Variants in PRRC2A observed in about 807,000 individuals in gnomAD.
PRRC2A encodes proline rich coiled-coil 2A, also known as protein PRRC2A.
A neutral mutation model predicts 224.6 loss-of-function variants in PRRC2A; 59 were observed. That is an observed-to-expected ratio of 0.26 (90% confidence interval 0.21 to 0.33). PRRC2A has a LOEUF of 0.33. PRRC2A is among the 10% of genes least tolerant of loss of function. The pLI is 1.00. For missense variants in PRRC2A, 3,095 were observed against 2,880.7 expected (o/e 1.07, Z -1.70); for synonymous variants, 1,194 against 1,109.5 (o/e 1.08, Z -1.51).
Position 31,635,665 on chromosome 6 carries a change from G to A in PRRC2A, c.5457G>A (p.Gly1819=). ...CACAATCCAAGAACCTGGATTCTGG[G>A]CACTGTGTCCCGGAGCCCAGCTCCT... is the stretch of plus-strand genomic sequence containing the variant. ...AEPQSKNLDS[G]HCVPEPSSSG... The change falls in exon 24 of 31, where the codon GGG becomes GGA. Residue 1819 remains glycine (G), a synonymous_variant. Coordinates refer to ENST00000376033, the MANE Select transcript of PRRC2A (RefSeq NM_004638.4). 6.2e-7 allele frequency: 1 copy of A among 1,612,876 alleles called. No individual in the cohort carries two copies. The highest frequency in any genetic ancestry group is 1.1e-5 in the South Asian group (1 of 91,040).
At chr6:31,634,391 A>C in intron 19 of PRRC2A, 26 bp downstream of exon 19, 1 of 1,612,370 alleles carries the variant, frequency 6.2e-7, no homozygotes, top group African/African-American at 1.3e-5. Flanking sequence ...TGAAAGGACT[A>C]TGGTAGAAGG....
Position 31,632,899 on chromosome 6 carries a change from GC to G in PRRC2A, c.4227del (p.Ser1410AlafsTer81), listed in dbSNP as rs1776828373. 3.7e-6 allele frequency: 6 copies of G among 1,612,670 alleles called. No individual in the cohort carries two copies. In the African/African-American group the frequency reaches 6.7e-5, roughly 18 times the overall value. On this transcript the variant is annotated frameshift_variant, in exon 16 of 31. Coordinates refer to ENST00000376033, the MANE Select transcript of PRRC2A (RefSeq NM_004638.4). LOFTEE classifies it high-confidence loss of function. ...PGPGGKAGSS[G>X]SSSGGGGGGP... ...CCAGGGGGCAAGGCTGGCAGCAGTG[GC>G]AGCAGCAGTGGAGGAGGCGGTGGGG...
intron 19 of PRRC2A, 33 bp from the exon 20 acceptor site, chr6:31,634,439 C>T (rs757482555): frequency 1.2e-6 from 2 of 1,612,500 alleles, no homozygotes; most frequent in African/African-American, 2.7e-5. Flanking sequence ...GTCATCTCCT[C>T]ACTTCTCTTC....
In PRRC2A at chr6:31,633,602, C is replaced by G. The variant is rs1012645344; in HGVS notation, c.4543C>G (p.Pro1515Ala). 3 of 1,612,712 alleles carry G rather than the reference C, an allele frequency of 1.9e-6. No individual in the cohort carries two copies. In the African/African-American group the frequency reaches 4.0e-5, roughly 22 times the overall value. The change falls in exon 17 of 31, where the codon CCA (proline) becomes GCA (alanine). Residue 1515 changes from proline (P) to alanine (A), a missense_variant. Physicochemically the swap from Pro to Ala is conservative, Grantham distance 27. This residue lies in a region of PRRC2A where 2,001 missense variants were observed against 1,764.9 expected (regional missense o/e 1.13). Transcript: ENST00000376033. ...QAPQGPSPRP[P>A]TRYEPQRVNS... ...CCCTCAGGGCCCCTCTCCTAGGCCCCCAACCCGATACGAGCCCCAGAGGGT... is the reference window on the plus strand; with the variant it reads ...CCCTCAGGGCCCCTCTCCTAGGCCCGCAACCCGATACGAGCCCCAGAGGGT...
Position 31,637,519 on chromosome 6 carries a change from C to A in PRRC2A, c.6407C>A (p.Pro2136His). ...ACAGGGCCGCCACCTCGAGAAGGGC[C>A]CTCCCGACGGGCAGAGGAGCCTGGG... ...ERTGPPPREG[P>H]SRRAEEPGSR... Residue 2136 changes from proline to histidine, a missense_variant, in exon 31 of 31, where the codon CCC (proline) becomes CAC (histidine). By Grantham distance (77) the Pro-to-His change is moderately conservative. This residue lies in a region of PRRC2A where 662 missense variants were observed against 609.5 expected (regional missense o/e 1.09). Coordinates refer to ENST00000376033, the MANE Select transcript of PRRC2A (RefSeq NM_004638.4). The A allele has an allele frequency of 6.3e-7, 1 of 1,582,826 alleles. No individual in the cohort carries two copies. Among genetic ancestry groups the A allele is most frequent in the South Asian group, 1.1e-5 (1 of 87,236 alleles).
rs760435282 is a variant in PRRC2A, at chr6:31,635,949, C to G, written c.5542-18C>G. On this transcript the variant is annotated intron_variant, in intron 24 of 30. Coordinates refer to ENST00000376033, the MANE Select transcript of PRRC2A (RefSeq NM_004638.4). ...CCACAGATACTAAAGCTGTTTCAACCGTGCTCCTCTCCTGCAGATCTCTGG... is the reference window on the plus strand; with the variant it reads ...CCACAGATACTAAAGCTGTTTCAACGGTGCTCCTCTCCTGCAGATCTCTGG... The G allele has an allele frequency of 6.3e-7, 1 of 1,588,978 alleles. No homozygotes were observed. The highest frequency in any genetic ancestry group is 2.2e-5 in the East Asian group (1 of 44,702).
chr6:31,632,516 C>T lies in PRRC2A; in HGVS notation c.3843C>T (p.Ala1281=), dbSNP rs1776757487. The T allele has an allele frequency of 6.2e-7, 1 of 1,608,656 alleles. No homozygotes were observed. Among genetic ancestry groups the T allele is most frequent in the Non-Finnish European group, 8.5e-7 (1 of 1,177,242 alleles). ...SEGKPSLTLP[A]SAPGPEEALT... The stretch of plus-strand genomic sequence containing the variant: ...GCAAGCCCTCCCTAACCCTTCCAGC[C>T]TCCGCTCCTGGACCTGAGGAGGCCC... Residue 1281 remains alanine, a synonymous_variant, in exon 16 of 31, where the codon GCC becomes GCT. Transcript: ENST00000376033.
chr6:31,632,132 C>T lies in PRRC2A; in HGVS notation c.3459C>T (p.Phe1153=). The part of the protein sequence containing the change: ...GAPPSPAPAR[F]TARGGRVFTP... ...CACCTTCACCAGCCCCAGCCCGCTT[C>T]ACTGCCCGGGGTGGGCGAGTCTTCA... Residue 1153 remains phenylalanine, a synonymous_variant, in exon 16 of 31, where the codon TTC becomes TTT. Transcript: ENST00000376033. 1 of 1,559,136 alleles carries T rather than the reference C, an allele frequency of 6.4e-7. No individual in the cohort carries two copies. Among genetic ancestry groups the T allele is most frequent in the Non-Finnish European group, 8.7e-7 (1 of 1,152,672 alleles).
Position 31,630,763 on chromosome 6 carries a change from T to A in PRRC2A, c.2427T>A (p.Pro809=). The change falls in exon 15 of 31, where the codon CCT becomes CCA. Residue 809 remains proline (P), a synonymous_variant. Coordinates refer to ENST00000376033, the MANE Select transcript of PRRC2A (RefSeq NM_004638.4). ...TPAEPRPLTS[P]LRQAADEDDK... Reference sequence around the variant, plus strand: ...CTGAACCCCGCCCACTTACCTCACCTCTGCGCCAGGCTGCGGATGAGGATG... The same window carrying A: ...CTGAACCCCGCCCACTTACCTCACCACTGCGCCAGGCTGCGGATGAGGATG... 1 of 1,614,134 alleles carries A rather than the reference T, an allele frequency of 6.2e-7. No homozygotes were observed. The highest frequency in any genetic ancestry group is 8.5e-7 in the Non-Finnish European group (1 of 1,180,030).
chr6:31,630,998 C>G, intron 15 of PRRC2A, 141 bp from the exon 16 acceptor site: 1 of 1,206,600 alleles, frequency 8.3e-7, no homozygotes, highest in Non-Finnish European at 1.1e-6. Context: ...CGAGACTAGC[C>G]TCGGCAACTG....
In PRRC2A at chr6:31,631,678, A is replaced by T. The variant is rs1385517612; in HGVS notation, c.3005A>T (p.Asn1002Ile). The change falls in exon 16 of 31, where the codon AAT (asparagine) becomes ATT (isoleucine). Residue 1002 changes from asparagine (N) to isoleucine (I), a missense_variant. Asn to Ile is a moderately radical substitution (Grantham distance 149). Coordinates refer to ENST00000376033, the MANE Select transcript of PRRC2A (RefSeq NM_004638.4). This position sits in a 1 kb window ranked among gnomAD's most constrained non-coding sequence, Gnocchi z 4.5. ...GGPKETPPNG[N>I]LSPAPRLRRD... Reference sequence around the variant, plus strand: ...CCCAAGGAGACCCCACCCAATGGAAATCTTTCCCCTGCCCCAAGGCTTCGG... The same window carrying T: ...CCCAAGGAGACCCCACCCAATGGAATTCTTTCCCCTGCCCCAAGGCTTCGG... 1.6e-5 allele frequency: 24 copies of T among 1,513,368 alleles called. No homozygotes were observed. Among genetic ancestry groups the T allele is most frequent in the Non-Finnish European group, 2.1e-5 (24 of 1,132,590 alleles). 93.7% of individuals were successfully genotyped at this position (1,513,368 alleles called of 1,614,324 possible). A position where few individuals can be genotyped will look rare whatever the true frequency, so the allele number is the denominator to read the frequency against.
At chr6:31,630,558 A>G (rs1032534162) in intron 14 of PRRC2A, 33 bp from the exon 15 acceptor site, 1 of 1,610,164 alleles carries the variant, frequency 6.2e-7, no homozygotes, top group Admixed American at 1.7e-5. Context: ...TGACATGAAT[A>G]GGATTATTTT....
intron 1 of PRRC2A, among the ~76,000 whole-genome samples, chr6:31,622,247 A>G (rs1031863479): frequency 6.6e-6 from 1 of 152,210 alleles, no homozygotes; most frequent in Admixed American, 6.5e-5. Flanking sequence ...CCTGGGGTAC[A>G]GGGCCCTGGG....
chr6:31,634,373 A>G lies in PRRC2A; in HGVS notation c.4849+8A>G. 1 of 1,612,506 alleles carries G rather than the reference A, an allele frequency of 6.2e-7. No homozygotes were observed. The highest frequency in any genetic ancestry group is 2.2e-5 in the East Asian group (1 of 44,878). On this transcript the variant is annotated splice_region_variant and intron_variant, in intron 19 of 30. Coordinates refer to ENST00000376033, the MANE Select transcript of PRRC2A (RefSeq NM_004638.4). The stretch of plus-strand genomic sequence containing the variant: ...GGAACCGTTTACATACTGGTGAGTA[A>G]AGCTGAGTGAAAGGACTATGGTAGA...
rs1307811593 is a variant in PRRC2A, at chr6:31,631,121, TTCTG to T, written c.2466-10_2466-7del. ...TTCCTGAGATACTTATTTCCATTCT[TTCTG>T]TCTGTCTCTTCAGGAGCGAGACTCC... On this transcript the variant is annotated splice_polypyrimidine_tract_variant and intron_variant, in intron 15 of 30. Transcript: ENST00000376033. The surrounding 1 kb of genome is among the most constrained non-coding windows in gnomAD (Gnocchi z 4.5). 3 of 1,467,162 alleles carry T rather than the reference TTCTG, an allele frequency of 2.0e-6. No homozygotes were observed. The highest frequency in any genetic ancestry group is 2.8e-6 in the Non-Finnish European group (3 of 1,089,972). 90.9% of individuals were successfully genotyped at this position (1,467,162 alleles called of 1,614,324 possible).
rs1209871246 is a variant in PRRC2A at position 31,623,714 on chromosome 6, C to T, written c.113-18C>T. 23 of 1,613,228 alleles carry T rather than the reference C, an allele frequency of 1.4e-5. No individual in the cohort carries two copies. Among genetic ancestry groups the T allele is most frequent in the Non-Finnish European group, 1.9e-5 (22 of 1,179,356 alleles). On this transcript the variant is annotated intron_variant, in intron 2 of 30. Transcript: ENST00000376033. ...CCACATGAGGCATTTTCGACCCTCTCTCCGTCTTGTTCTCCAGTTGCCCCT... is the reference window on the plus strand; with the variant it reads ...CCACATGAGGCATTTTCGACCCTCTTTCCGTCTTGTTCTCCAGTTGCCCCT...
chr6:31,633,220 G>T (rs1380058824), intron 16 of PRRC2A, among the ~76,000 whole-genome samples, 159 bp from the exon 17 acceptor site: 1 of 152,190 alleles, frequency 6.6e-6, no homozygotes, highest in Non-Finnish European at 1.5e-5. Flanking sequence ...TTGCTTTCCA[G>T]TCTGTGCATC....
In PRRC2A at chr6:31,632,174, A is replaced by T. The variant is rs146502735; in HGVS notation, c.3501A>T (p.Pro1167=). The T allele has an allele frequency of 3.8e-6, 6 of 1,590,548 alleles. No individual in the cohort carries two copies. Among genetic ancestry groups the T allele is most frequent in the Non-Finnish European group, 5.1e-6 (6 of 1,169,126 alleles). The part of the protein sequence containing the change: ...GGRVFTPRGV[P]SRRGRGGGRP... ...GAGTCTTCACTCCCAGAGGGGTGCC[A>T]TCTCGCCGGGGCCGAGGAGGAGGGA... Residue 1167 remains proline (P), a synonymous_variant, in exon 16 of 31, where the codon CCA becomes CCT. Coordinates refer to ENST00000376033, the MANE Select transcript of PRRC2A (RefSeq NM_004638.4).
Position 31,636,975 on chromosome 6 carries a change from G to GTACT in PRRC2A, c.6147+30_6147+31insTACT. ...GGTACAGGAACTGAGGGGCTAGGGA[G>GTACT]CGCCAAGACTTGGGAGTAGGGATTC... On this transcript the variant is annotated intron_variant, in intron 28 of 30. Transcript: ENST00000376033. The surrounding 1 kb of genome is among the most constrained non-coding windows in gnomAD (Gnocchi z 4.3). The GTACT allele has an allele frequency of 6.2e-7, 1 of 1,603,546 alleles. No homozygotes were observed. Among genetic ancestry groups the GTACT allele is most frequent in the Non-Finnish European group, 8.5e-7 (1 of 1,173,322 alleles).
Sources: gnomAD v4.1 joint callset for allele counts (sites outside exome capture counted in the v4.1 genomes callset) on GRCh38, gnomAD v4.1.1 for gene constraint, gnomAD v4.1.1 regional missense constraint, Gnocchi (gnomAD v3.1) non-coding constraint, MANE v1.5 for transcripts, NCBI Gene and HGNC (gene_info 2026-07-23, HGNC 2026-07-21) for gene names.